The following TUSC3 variants were observed in gnomAD, a reference collection of about 807,000 sequenced individuals.
The protein encoded by TUSC3 is dolichyl-diphosphooligosaccharide--protein glycosyltransferase subunit TUSC3.
In TUSC3, 45 loss-of-function variants were observed where a neutral mutation model predicts 44.8. The observed-to-expected ratio is 1.00, with a 90% CI of 0.79 to 1.29. The LOEUF is 1.29. TUSC3 is among the 50% of genes most tolerant of loss of function. TUSC3 has a pLI of 0.00. For synonymous variants in TUSC3, 212 were observed against 152.9 expected, an observed-to-expected ratio of 1.39 and a Z score of -2.85; for missense variants, 519 against 437.9, an observed-to-expected ratio of 1.19 and a Z score of -1.65.
the TUSC3 span, among the ~76,000 whole-genome samples, chr8:15,824,619 GA>G: frequency 1.3e-5 from 2 of 149,518 alleles, no homozygotes; most frequent in African/African-American, 4.9e-5. Context: ...GGGGTGGGGG[GA>G]AGGGGGACGG....
chr8:15,423,311 T>C (rs1799761397), intron 1 of TUSC3, among the ~76,000 whole-genome samples: 1 of 152,140 alleles, frequency 6.6e-6, no homozygotes, highest in African/African-American at 2.4e-5. Context: ...AGTGTCTTTG[T>C]AGGATTTGGT....
chr8:15,688,449 A>C (rs1281016728), intron 6 of TUSC3, among the ~76,000 whole-genome samples: 1 of 76,132 alleles, frequency 1.3e-5, no homozygotes, highest in Non-Finnish European at 2.8e-5. Context: ...TTTTTTTTTA[A>C]CTTTTAGGTT....
At chr8:15,812,125 G>T in the TUSC3 span, among the ~76,000 whole-genome samples, 294 of 152,274 alleles carry the variant, frequency 1.9e-3, no homozygotes, top group African/African-American at 6.9e-3. Flanking sequence ...CGTTTTAATT[G>T]TATTGTCAGC....
chr8:15,498,499 C>G (rs921444898), intron 2 of TUSC3, among the ~76,000 whole-genome samples: 3 of 152,116 alleles, frequency 2.0e-5, no homozygotes, highest in Non-Finnish European at 4.4e-5. Context: ...AGGTGAGTTG[C>G]CAAGGAATCC....
At chr8:15,732,526 C>G (rs1470247648) in intron 7 of TUSC3, among the ~76,000 whole-genome samples, 1 of 151,442 alleles carries the variant, frequency 6.6e-6, no homozygotes, top group Non-Finnish European at 1.5e-5. Context: ...AGCGTGAGAA[C>G]AAATACACCT....
intron 6 of TUSC3, among the ~76,000 whole-genome samples, chr8:15,691,831 T>G (rs1585235765): frequency 6.6e-6 from 1 of 151,926 alleles, no homozygotes. Flanking sequence ...TAGGCTGGAG[T>G]TTAGTGGTGT....
intron 1 of TUSC3, among the ~76,000 whole-genome samples, chr8:15,447,555 A>T (rs1800123159): frequency 6.6e-6 from 1 of 152,218 alleles, no homozygotes. Context: ...AGCAATGAAA[A>T]AAGCAATAAA....
chr8:15,620,199 T>C (rs939584055), intron 1 of TUSC3, among the ~76,000 whole-genome samples: 27 of 152,180 alleles, frequency 1.8e-4, no homozygotes, highest in Admixed American at 1.5e-3. Context: ...GTATAGTGAA[T>C]CTCACACTCT....
chr8:15,651,217 G>T (rs761299556), intron 3 of TUSC3, among the ~76,000 whole-genome samples: 17 of 152,054 alleles, frequency 1.1e-4, no homozygotes, highest in African/African-American at 3.9e-4. Context: ...ACATGCATTG[G>T]TCTTATTCTG....
chr8:15,828,924 T>C, the TUSC3 span, among the ~76,000 whole-genome samples: 1 of 152,310 alleles, frequency 6.6e-6, no homozygotes, highest in South Asian at 2.1e-4. Flanking sequence ...AGAAAATACA[T>C]GAATCCATTA....
intron 9 of TUSC3, among the ~76,000 whole-genome samples, chr8:15,756,843 C>T (rs1413656899): frequency 6.6e-6 from 1 of 152,156 alleles, no homozygotes; most frequent in African/African-American, 2.4e-5. Context: ...CAAACTCGAG[C>T]TCTAAAGCTA....
At chr8:15,511,333 G>A (rs1365473711) in intron 2 of TUSC3, among the ~76,000 whole-genome samples, 1 of 151,882 alleles carries the variant, frequency 6.6e-6, no homozygotes, top group Non-Finnish European at 1.5e-5. Context: ...GAAAGAGAAA[G>A]CAAAACTGTA....
chr8:15,444,536 C>A (rs755008213), intron 1 of TUSC3, among the ~76,000 whole-genome samples: 25 of 152,066 alleles, frequency 1.6e-4, no homozygotes, highest in Non-Finnish European at 3.7e-4. Context: ...TGGAAGATGA[C>A]GAACCTGATC....
At chr8:15,660,390 A>G (rs1336853777) in intron 4 of TUSC3, among the ~76,000 whole-genome samples, 2 of 152,032 alleles carry the variant, frequency 1.3e-5, no homozygotes, top group East Asian at 1.9e-4. Flanking sequence ...AGTTTTTTAT[A>G]AAGTACAAAT....
chr8:15,439,800 C>A (rs1488121247), intron 1 of TUSC3, among the ~76,000 whole-genome samples: 6 of 152,046 alleles, frequency 3.9e-5, no homozygotes, highest in Non-Finnish European at 7.4e-5. Context: ...TTATTCATTT[C>A]TGCCTTGCAC....
intron 2 of TUSC3, among the ~76,000 whole-genome samples, chr8:15,637,135 A>G (rs1049791744): frequency 9.2e-5 from 14 of 152,184 alleles, no homozygotes; most frequent in Non-Finnish European, 1.6e-4. Flanking sequence ...ATTATATCGT[A>G]GTTTAAAATA....
intron 6 of TUSC3, among the ~76,000 whole-genome samples, chr8:15,694,826 A>T (rs1359831277): frequency 6.6e-6 from 1 of 152,120 alleles, no homozygotes; most frequent in Non-Finnish European, 1.5e-5. Flanking sequence ...ATTGCTGGTC[A>T]CAACACTCCC....
chr8:15,712,358 C>G (rs1809890304), intron 6 of TUSC3, among the ~76,000 whole-genome samples: 1 of 152,028 alleles, frequency 6.6e-6, no homozygotes, highest in South Asian at 2.1e-4. Flanking sequence ...GTTCATTCCA[C>G]TTAACCTGCT....
At chr8:15,572,278 T>C (rs969931338) in intron 1 of TUSC3, among the ~76,000 whole-genome samples, 9 of 152,176 alleles carry the variant, frequency 5.9e-5, no homozygotes, top group Non-Finnish European at 8.8e-5. Flanking sequence ...TCTTGGACTT[T>C]TATGTTATGG....
Sources: allele counts gnomAD v4.1 joint callset (sites outside exome capture counted in the v4.1 genomes callset), GRCh38; gene constraint gnomAD v4.1.1; transcripts MANE v1.5; gene names NCBI Gene and HGNC (gene_info 2026-07-23, HGNC 2026-07-21).